The following SOBP variants were observed in gnomAD, a reference collection of about 807,000 sequenced individuals.
SOBP encodes the protein sine oculis-binding protein homolog.
A neutral mutation model predicts 53.6 loss-of-function variants in SOBP; 4 were observed. The ratio of observed to expected loss-of-function variants is 0.07; its 90% CI spans 0.04 to 0.17. The LOEUF is 0.17. Ranked by LOEUF, SOBP falls within the 10% of genes least tolerant of loss-of-function variation. The pLI is 1.00. For missense variants in SOBP, 1,088 were observed against 1,204.7 expected (o/e 0.90, Z 1.43); for synonymous variants, 584 against 522.6 (o/e 1.12, Z -1.60).
intron 5 of SOBP, among the ~76,000 whole-genome samples, chr6:107,610,556 A>G (rs1183161876): frequency 6.6e-6 from 1 of 152,218 alleles, no homozygotes; most frequent in African/African-American, 2.4e-5. Context: ...CAGCCCATGC[A>G]GAATAGTTGA....
Position 107,536,191 on chromosome 6 carries a change from C to T in SOBP, c.573+2581C>T, listed in dbSNP as rs532436875. ...CTGTAAATTATGCTTTATGACAGCC[C>T]GCTTCTTGCTGGATAGCATGGTGGG... On this transcript the variant is annotated intron_variant, in intron 4 of 6. Coordinates refer to ENST00000317357, the MANE Select transcript of SOBP (RefSeq NM_018013.4). 3.9e-5 allele frequency among the ~76,000 whole-genome samples: 6 copies of T among 152,198 alleles called. No individual in the cohort carries two copies. The South Asian group carries it at 8.3e-4, about 21-fold the overall frequency.
intron 4 of SOBP, among the ~76,000 whole-genome samples, chr6:107,540,154 G>C (rs1031979182): frequency 1.3e-5 from 2 of 152,228 alleles, no homozygotes; most frequent in Admixed American, 6.5e-5. Context: ...ATTAAGTCCT[G>C]AATTTTTCTT....
chr6:107,601,681 T>C (rs1393388265), intron 5 of SOBP, among the ~76,000 whole-genome samples: 2 of 152,202 alleles, frequency 1.3e-5, no homozygotes, highest in Non-Finnish European at 2.9e-5. Context: ...CTGGGTCTAA[T>C]ACAGTTTTCT....
At chr6:107,642,204 G>T (rs1402979121) in intron 6 of SOBP, among the ~76,000 whole-genome samples, 1 of 152,074 alleles carries the variant, frequency 6.6e-6, no homozygotes, top group African/African-American at 2.4e-5. Flanking sequence ...AATACTAACT[G>T]CAGAGAGTTC....
chr6:107,590,474 G>A (rs185796198), intron 5 of SOBP, among the ~76,000 whole-genome samples: 3 of 152,266 alleles, frequency 2.0e-5, no homozygotes, highest in Admixed American at 2.0e-4. Flanking sequence ...GTTTGAAAGG[G>A]GAACTAAGAG....
At chr6:107,627,436 GC>G (rs979789266) in intron 5 of SOBP, among the ~76,000 whole-genome samples, 3 of 152,174 alleles carry the variant, frequency 2.0e-5, no homozygotes, top group African/African-American at 4.8e-5. Context: ...TGTGACCTGG[GC>G]CAAGATTTCT....
chr6:107,643,889 C>A (rs1249357270), intron 6 of SOBP, among the ~76,000 whole-genome samples: 4 of 152,186 alleles, frequency 2.6e-5, no homozygotes, highest in Non-Finnish European at 4.4e-5. Flanking sequence ...TTAGTAGAAT[C>A]AGCTTATTTT....
In SOBP at chr6:107,635,950, C is replaced by T. The variant is rs1038759107; in HGVS notation, c.*3+481C>T. 2.0e-5 allele frequency among the ~76,000 whole-genome samples: 3 copies of T among 152,198 alleles called. No individual in the cohort carries two copies. In the East Asian group the frequency reaches 5.8e-4, roughly 29 times the overall value. On this transcript the variant is annotated intron_variant, in intron 6 of 6. Coordinates refer to ENST00000317357, the MANE Select transcript of SOBP (RefSeq NM_018013.4). This position sits in a 1 kb window ranked among gnomAD's most constrained non-coding sequence, Gnocchi z 4.5. The stretch of plus-strand genomic sequence containing the variant: ...ACCTACTAAATAGAGCTGGTTGCCT[C>T]ATTGGCAGAATGTCACCAAATTTTC...
At chr6:107,519,160 A>G (rs890590518) in intron 3 of SOBP, among the ~76,000 whole-genome samples, 1 of 147,176 alleles carries the variant, frequency 6.8e-6, no homozygotes. Flanking sequence ...CAATATCTCT[A>G]CCTCCCAGTG....
intron 4 of SOBP, among the ~76,000 whole-genome samples, chr6:107,556,542 G>A (rs73762259): frequency 0.014 from 2,069 of 152,324 alleles, 48 homozygotes; most frequent in African/African-American, 0.047. Flanking sequence ...GGTATCCAAC[G>A]AGGTAATAGT....
intron 5 of SOBP, among the ~76,000 whole-genome samples, chr6:107,592,305 A>C (rs1159513261): frequency 1.3e-5 from 2 of 152,158 alleles, no homozygotes; most frequent in Admixed American, 6.5e-5. Flanking sequence ...CCAACTCACC[A>C]GTACATGTTA....
At chr6:107,532,970 C>T (rs943760094) in intron 3 of SOBP, among the ~76,000 whole-genome samples, 8 of 152,044 alleles carry the variant, frequency 5.3e-5, no homozygotes, top group African/African-American at 1.2e-4. Flanking sequence ...TATCATTTAA[C>T]AGTAATAGGG....
At chr6:107,500,767 T>C (rs559302196) in intron 1 of SOBP, among the ~76,000 whole-genome samples, 42 of 152,232 alleles carry the variant, frequency 2.8e-4, no homozygotes, top group East Asian at 2.5e-3. Context: ...CCTTGTGATC[T>C]GCCCACCTTG....
intron 3 of SOBP, among the ~76,000 whole-genome samples, chr6:107,530,461 A>G (rs1409974317): frequency 6.6e-6 from 1 of 152,144 alleles, no homozygotes; most frequent in Non-Finnish European, 1.5e-5. Flanking sequence ...GTCTGATGAC[A>G]GAATTTTGAA....
At position 107,658,733 on chromosome 6, in the gene SOBP, A is replaced by G. The variant is rs960836313; in HGVS notation, c.*530A>G. 1.5e-4 allele frequency: 23 copies of G among 152,608 alleles called. No homozygotes were observed. The highest frequency in any genetic ancestry group is 5.3e-4 in the African/African-American group (22 of 41,450). 9.5% of individuals were successfully genotyped at this position (152,608 alleles called of 1,614,324 possible). A position where few individuals can be genotyped will look rare whatever the true frequency, so the allele number is the denominator to read the frequency against. On this transcript the variant is annotated 3_prime_UTR_variant, in exon 7 of 7. Coordinates refer to ENST00000317357, the MANE Select transcript of SOBP (RefSeq NM_018013.4). ...GGAGAGGGGTGGTCCTGGAGGCCCA[A>G]TGCTTCAGAGTCATCTCTGTCCTGC... is the stretch of plus-strand genomic sequence containing the variant.
At chr6:107,631,425 T>C (rs1447368518) in intron 5 of SOBP, among the ~76,000 whole-genome samples, 1 of 152,230 alleles carries the variant, frequency 6.6e-6, no homozygotes, top group Non-Finnish European at 1.5e-5. Flanking sequence ...GCCACATCAT[T>C]ATACATTAAT....
chr6:107,640,806 G>T (rs1307742967), intron 6 of SOBP, among the ~76,000 whole-genome samples: 3 of 152,176 alleles, frequency 2.0e-5, no homozygotes, highest in African/African-American at 4.8e-5. Flanking sequence ...TCTTCAGCAG[G>T]ACTGGGACTA....
intron 4 of SOBP, among the ~76,000 whole-genome samples, chr6:107,571,296 G>A (rs746009068): frequency 6.6e-6 from 1 of 152,222 alleles, no homozygotes; most frequent in Non-Finnish European, 1.5e-5. Flanking sequence ...AAATGGTAGG[G>A]ATGATGTTGA....
At chr6:107,601,209 G>A (rs1786167867) in intron 5 of SOBP, among the ~76,000 whole-genome samples, 1 of 152,104 alleles carries the variant, frequency 6.6e-6, no homozygotes, top group Non-Finnish European at 1.5e-5. Context: ...GGAGTTTCTT[G>A]GGCAGAATGA....
Sources: gnomAD v4.1 joint callset for allele counts (sites outside exome capture counted in the v4.1 genomes callset) on GRCh38, gnomAD v4.1.1 for gene constraint, Gnocchi (gnomAD v3.1) non-coding constraint, MANE v1.5 for transcripts, NCBI Gene and HGNC (gene_info 2026-07-23, HGNC 2026-07-21) for gene names.